LRRC37A2: variants seen among roughly 807,000 people sequenced by gnomAD.
The protein encoded by LRRC37A2 is leucine-rich repeat-containing protein 37A2.
LRRC37A2 carries 9 observed loss-of-function variants against 68.8 expected under a neutral mutation model. The observed-to-expected ratio is 0.13, with a 90% confidence interval of 0.08 to 0.23. LRRC37A2 has a LOEUF of 0.23. LRRC37A2 is among the 10% of genes least tolerant of loss of function. The pLI, the probability that LRRC37A2 is intolerant of heterozygous loss-of-function variation, is 1.00. For synonymous variants in LRRC37A2, 63 were observed against 367.6 expected (o/e 0.17, Z 9.48); for missense variants, 168 against 950.4 (o/e 0.18, Z 10.82).
At chr17:46,845,372 G>C in the LRRC37A2 span, among the ~76,000 whole-genome samples, 2 of 152,158 alleles carry the variant, frequency 1.3e-5, no homozygotes, top group South Asian at 4.2e-4. Context: ...GGTAACCAGG[G>C]CTGGGGTGGG....
At chr17:46,911,698 C>T in the LRRC37A2 span, among the ~76,000 whole-genome samples, 3 of 152,180 alleles carry the variant, frequency 2.0e-5, no homozygotes, top group Non-Finnish European at 4.4e-5. Flanking sequence ...GTCTGGCCAA[C>T]ATGGTAAAAC....
the LRRC37A2 span, among the ~76,000 whole-genome samples, chr17:47,026,949 C>G: frequency 4.7e-4 from 71 of 152,118 alleles, 1 homozygote; most frequent in Non-Finnish European, 8.7e-4. Context: ...CTCGCTCTGT[C>G]GCCCAGGCTG....
At chr17:47,028,245 T>A in the LRRC37A2 span, 1 of 1,302,696 alleles carries the variant, frequency 7.7e-7, no homozygotes, top group Non-Finnish European at 1.1e-6. Context: ...AAATAATTAT[T>A]TTTTTCCTTT....
chr17:47,014,717 A>T, the LRRC37A2 span, among the ~76,000 whole-genome samples: 2 of 152,174 alleles, frequency 1.3e-5, no homozygotes, highest in Admixed American at 6.5e-5. Context: ...AGGCCTTGTT[A>T]GAACTCCCTT....
the LRRC37A2 span, chr17:47,017,781 C>T: frequency 6.2e-7 from 1 of 1,610,514 alleles, no homozygotes; most frequent in East Asian, 2.2e-5. Context: ...TAGCCTGCCT[C>T]CAGAACTCCG....
the LRRC37A2 span, chr17:46,923,359 A>G: frequency 6.7e-7 from 1 of 1,503,750 alleles, no homozygotes; most frequent in African/African-American, 1.4e-5. Flanking sequence ...GATGCCTCCG[A>G]AGTGCTTAAT....
chr17:46,794,437 T>G, the LRRC37A2 span, among the ~76,000 whole-genome samples: 1 of 152,244 alleles, frequency 6.6e-6, no homozygotes, highest in Non-Finnish European at 1.5e-5. Context: ...TTGGGGGTCA[T>G]CTGGTCCAGT....
the LRRC37A2 span, among the ~76,000 whole-genome samples, chr17:47,006,096 C>A: frequency 1.1e-4 from 17 of 151,988 alleles, no homozygotes; most frequent in Admixed American, 9.8e-4. Context: ...TGCTTGAACC[C>A]GAGAGAAGGA....
In LRRC37A2 at chr17:46,552,926, G is replaced by A. The variant is rs1377502990; in HGVS notation, c.4810-474G>A. Among the ~76,000 whole-genome samples, 7 of 144,968 alleles carry A rather than the reference G, an allele frequency of 4.8e-5. No individual in the cohort carries two copies. The East Asian group carries it at 1.4e-3, about 29-fold the overall frequency. On this transcript the variant is annotated intron_variant, in intron 11 of 14. Coordinates refer to ENST00000576629, the Ensembl canonical transcript of LRRC37A2. ...AAAAAATAGCCAGGTGTGGTAGTAT[G>A]CACCTGTAGTCTCAGCTACTCAAGA...
At chr17:47,023,898 A>G in the LRRC37A2 span, among the ~76,000 whole-genome samples, 156 of 152,296 alleles carry the variant, frequency 1.0e-3, 1 homozygote, top group Admixed American at 3.8e-3. Flanking sequence ...CCAGGCCAGA[A>G]CTACATTTTA....
chr17:46,493,192 C>T, the LRRC37A2 span, among the ~76,000 whole-genome samples: 1 of 128,618 alleles, frequency 7.8e-6, no homozygotes, highest in Non-Finnish European at 1.6e-5. Flanking sequence ...GAGTCTTGCT[C>T]TGTTGCCCAG....
the LRRC37A2 span, among the ~76,000 whole-genome samples, chr17:46,954,970 A>G: frequency 0.11 from 17,345 of 152,194 alleles, 1,086 homozygotes; most frequent in African/African-American, 0.16. Context: ...GCAAACAGGG[A>G]CAATTTGACT....
the LRRC37A2 span, among the ~76,000 whole-genome samples, chr17:46,943,235 C>T: frequency 1.3e-5 from 2 of 152,194 alleles, no homozygotes; most frequent in Admixed American, 1.3e-4. Context: ...GATTCTCCCT[C>T]TGGATCAGAA....
chr17:46,824,887 C>T, the LRRC37A2 span, among the ~76,000 whole-genome samples: 2 of 152,230 alleles, frequency 1.3e-5, no homozygotes, highest in African/African-American at 4.8e-5. Flanking sequence ...TTCCTGTGTC[C>T]CTTTCATAGG....
the LRRC37A2 span, among the ~76,000 whole-genome samples, chr17:46,499,055 C>G: frequency 2.0e-5 from 3 of 149,010 alleles, 1 homozygote; most frequent in African/African-American, 7.7e-5. Context: ...TGGCTCACGC[C>G]TGTAATCCCA....
the LRRC37A2 span, among the ~76,000 whole-genome samples, chr17:46,912,594 C>G: frequency 6.6e-6 from 1 of 152,196 alleles, no homozygotes; most frequent in Non-Finnish European, 1.5e-5. Flanking sequence ...CCTGCAGCAC[C>G]CGGGGCAACA....
the LRRC37A2 span, among the ~76,000 whole-genome samples, chr17:46,863,123 G>GC: frequency 1 from 152,226 of 152,230 alleles, 76,111 homozygotes; most frequent in Middle Eastern, 1. Flanking sequence ...GGAGGGCGTG[G>GC]CACAGGCAGC....
At chr17:46,932,329 G>A in the LRRC37A2 span, 12 of 1,065,950 alleles carry the variant, frequency 1.1e-5, no homozygotes, top group African/African-American at 1.9e-4. Context: ...AACTGGAAAT[G>A]ACAGGAACTT....
At chr17:46,768,369 A>G in the LRRC37A2 span, 1 of 1,613,786 alleles carries the variant, frequency 6.2e-7, no homozygotes, top group Non-Finnish European at 8.5e-7. The surrounding 1 kb of genome is among the most constrained non-coding windows in gnomAD (Gnocchi z 5.0). Flanking sequence ...CTGGCAGCTG[A>G]CGTAGCAGCA....
Sources: gnomAD v4.1 joint callset for allele counts (sites outside exome capture counted in the v4.1 genomes callset) on GRCh38, gnomAD v4.1.1 for gene constraint, Gnocchi (gnomAD v3.1) non-coding constraint, MANE v1.5 for transcripts, NCBI Gene and HGNC (gene_info 2026-07-23, HGNC 2026-07-21) for gene names.